The following ZNF169 variants were observed in gnomAD, a reference collection of about 807,000 sequenced individuals.
The protein encoded by ZNF169 is zinc finger protein 169.
In ZNF169, 11 loss-of-function variants were observed where a neutral mutation model predicts 12.0. The ratio of observed to expected loss-of-function variants is 0.92; its 90% CI spans 0.58 to 1.52. The LOEUF is 1.52. Ranked by LOEUF, ZNF169 falls within the 40% of genes most tolerant of loss-of-function variation. The pLI, the probability that ZNF169 is intolerant of heterozygous loss-of-function variation, is 0.00. For missense variants in ZNF169, 722 were observed against 744.0 expected (o/e 0.97, Z 0.34); for synonymous variants, 302 against 286.5 (o/e 1.05, Z -0.55).
Position 94,301,266 on chromosome 9 carries a change from TA to T in ZNF169, c.1709del (p.Tyr570LeufsTer49). ...HQRTHSGEKP[Y>X]VCRECGRGFS... ...GCGGACCCATTCTGGGGAGAAGCCG[TA>T]TGTCTGCAGGGAGTGTGGGCGTGGC... On this transcript the variant is annotated frameshift_variant, in exon 5 of 5. Transcript: ENST00000395395. LOFTEE classifies it low-confidence loss of function (END_TRUNC). The T allele has an allele frequency of 1.9e-6, 3 of 1,614,158 alleles. No individual in the cohort carries two copies. Among genetic ancestry groups the T allele is most frequent in the Non-Finnish European group, 2.5e-6 (3 of 1,180,016 alleles).
chr9:94,277,059 A>G (rs539774521), intron 1 of ZNF169, among the ~76,000 whole-genome samples: 125 of 152,328 alleles, frequency 8.2e-4, no homozygotes, highest in Middle Eastern at 3.4e-3. Flanking sequence ...GAAGTATGAA[A>G]CATAAATACA....
chr9:94,293,538 C>T (rs1830892464), intron 4 of ZNF169: 1 of 222,462 alleles, frequency 4.5e-6, no homozygotes, highest in Non-Finnish European at 9.0e-6. Flanking sequence ...CTGCCTCACC[C>T]TCCTGAGTAG....
chr9:94,284,134 C>T (rs1830684122), intron 2 of ZNF169, among the ~76,000 whole-genome samples: 1 of 143,064 alleles, frequency 7.0e-6, no homozygotes, highest in Non-Finnish European at 1.5e-5. Context: ...TAATAAAAAT[C>T]CTCCCAAGGG....
Position 94,266,913 on chromosome 9 carries a change from C to CTT in ZNF169, c.-56+7581_-56+7582dup, listed in dbSNP as rs35671526. Among the ~76,000 whole-genome samples, 1,060 of 140,070 alleles carry CTT rather than the reference C, an allele frequency of 7.6e-3. 22 individuals carry two copies. Among genetic ancestry groups the CTT allele is most frequent in the African/African-American group, 0.024 (914 of 37,940 alleles). The allele number at this position is 140,070 out of a possible 152,430, so 91.9% of individuals were successfully genotyped here. On this transcript the variant is annotated intron_variant, in intron 1 of 4. Coordinates refer to ENST00000395395, the MANE Select transcript of ZNF169 (RefSeq NM_194320.4). ...AAGAATAATTATTTTTCGTGTAGGCCTTTTTTTTTTTTTTAAGACAGAGTC... is the reference window on the plus strand; with the variant it reads ...AAGAATAATTATTTTTCGTGTAGGCCTTTTTTTTTTTTTTTTAAGACAGAGTC...
In ZNF169 at chr9:94,269,781, A is replaced by T. The variant is rs573764000; in HGVS notation, c.-55-8977A>T. 7.2e-5 allele frequency among the ~76,000 whole-genome samples: 11 copies of T among 152,304 alleles called. No homozygotes were observed. The South Asian group carries it at 1.7e-3, about 23-fold the overall frequency. ...TATACCTTCTAAGCTATATGTCTAC[A>T]TGTAAGTGTGCATTTGTCTAAAGAT... On this transcript the variant is annotated intron_variant, in intron 1 of 4. Transcript: ENST00000395395.
chr9:94,289,829 T>C (rs1042537760), intron 2 of ZNF169, among the ~76,000 whole-genome samples: 3 of 151,442 alleles, frequency 2.0e-5, no homozygotes, highest in Non-Finnish European at 4.4e-5. Context: ...TAAGAAACAC[T>C]GTAGGCAAAT....
At position 94,278,860 on chromosome 9, in the gene ZNF169, T is replaced by C. The variant is rs1394235119; in HGVS notation, c.33+15T>C. 6.2e-7 allele frequency: 1 copy of C among 1,613,514 alleles called. No homozygotes were observed. ...CCAGGAAGGAGGTAAGTCCTGAAAT[T>C]TCTTCCTAGCTATTGCAGGAAGGTT... On this transcript the variant is annotated intron_variant, in intron 2 of 4. Coordinates refer to ENST00000395395, the MANE Select transcript of ZNF169 (RefSeq NM_194320.4).
At chr9:94,267,462 T>C (rs1830314282) in intron 1 of ZNF169, among the ~76,000 whole-genome samples, 1 of 152,240 alleles carries the variant, frequency 6.6e-6, no homozygotes, top group Non-Finnish European at 1.5e-5. Flanking sequence ...ATTGCACTTA[T>C]GCAAATAACT....
At chr9:94,292,587 G>T in intron 3 of ZNF169, 120 bp downstream of exon 3, 2 of 1,272,660 alleles carry the variant, frequency 1.6e-6, no homozygotes, top group East Asian at 5.3e-5. Context: ...CCCAGAGAAT[G>T]CCTGGCTTTC....
At chr9:94,287,513 C>T (rs1352259631) in intron 2 of ZNF169, among the ~76,000 whole-genome samples, 8 of 151,970 alleles carry the variant, frequency 5.3e-5, no homozygotes, top group Non-Finnish European at 1.0e-4. Context: ...TACAGGCGCC[C>T]GCCACCACAC....
Position 94,292,986 on chromosome 9 carries a change from C to A in ZNF169, c.173C>A (p.Ser58Tyr). 1 of 1,611,674 alleles carries A rather than the reference C, an allele frequency of 6.2e-7. No homozygotes were observed. Among genetic ancestry groups the A allele is most frequent in the South Asian group, 1.1e-5 (1 of 90,610 alleles). The stretch of plus-strand genomic sequence containing the variant: ...TTCCTGTGAGTAGGAATTGCATTTT[C>A]CAAACCAAAACTCATCGAACAGCTG... ...SHLVSLGIAFSKPKLIEQLEQ... is the reference protein window; with the variant it reads ...SHLVSLGIAFYKPKLIEQLEQ... Residue 58 changes from serine (S) to tyrosine (Y), a missense_variant, in exon 4 of 5, where the codon TCC (serine) becomes TAC (tyrosine). Transcript: ENST00000395395.
At chr9:94,269,973 A>G (rs559670754) in intron 1 of ZNF169, among the ~76,000 whole-genome samples, 4 of 152,280 alleles carry the variant, frequency 2.6e-5, no homozygotes, top group Admixed American at 2.0e-4. Context: ...TCAGGCCCCA[A>G]ATAAACTTGT....
At chr9:94,268,729 T>G (rs965332070) in intron 1 of ZNF169, among the ~76,000 whole-genome samples, 1 of 143,648 alleles carries the variant, frequency 7.0e-6, no homozygotes, top group Non-Finnish European at 1.5e-5. Flanking sequence ...GGGGTTACAA[T>G]GAGCCGAGAT....
At position 94,270,728 on chromosome 9, in the gene ZNF169, A is replaced by AATATAT. The variant is rs1363824160; in HGVS notation, c.-55-8030_-55-8029insATATAT. On this transcript the variant is annotated intron_variant, in intron 1 of 4. Coordinates refer to ENST00000395395, the MANE Select transcript of ZNF169 (RefSeq NM_194320.4). ...AATTATATAATATATAATATTATATATTATATAATTAATGTATTTATATAA... is the reference window on the plus strand; with the variant it reads ...AATTATATAATATATAATATTATATAATATATTTATATAATTAATGTATTTATATAA... 2.0e-3 allele frequency among the ~76,000 whole-genome samples: 52 copies of AATATAT among 25,468 alleles called. 9 individuals are homozygous for AATATAT. The East Asian group carries it at 0.023, about 11-fold the overall frequency. 16.7% of individuals were successfully genotyped at this position (25,468 alleles called of 152,430 possible). A position where few individuals can be genotyped will look rare whatever the true frequency, so the allele number is the denominator to read the frequency against.
intron 4 of ZNF169, among the ~76,000 whole-genome samples, chr9:94,297,120 T>C (rs1255954518): frequency 6.7e-6 from 1 of 150,236 alleles, no homozygotes; most frequent in Non-Finnish European, 1.5e-5. Context: ...TATTCTTTGT[T>C]TTTTCATATG....
intron 1 of ZNF169, among the ~76,000 whole-genome samples, chr9:94,265,439 G>A (rs1273352728): frequency 1.3e-5 from 2 of 151,936 alleles, no homozygotes; most frequent in African/African-American, 4.8e-5. Flanking sequence ...AATTAACCAG[G>A]CTTTGTGGCA....
chr9:94,290,770 G>A (rs1425857274), intron 2 of ZNF169, among the ~76,000 whole-genome samples: 3 of 151,954 alleles, frequency 2.0e-5, no homozygotes, highest in Non-Finnish European at 4.4e-5. Context: ...TCAATTTTTG[G>A]GGGTATATTC....
intron 1 of ZNF169, among the ~76,000 whole-genome samples, chr9:94,265,853 C>CTAGG (rs1830283555): frequency 6.6e-6 from 1 of 151,932 alleles, no homozygotes. Flanking sequence ...TTGTGGAGAC[C>CTAGG]TAGGGAGTTT....
At chr9:94,264,477 T>G (rs1232438196) in intron 1 of ZNF169, among the ~76,000 whole-genome samples, 1 of 152,160 alleles carries the variant, frequency 6.6e-6, no homozygotes, top group Non-Finnish European at 1.5e-5. Context: ...AGAAATAGTC[T>G]TTTTTGGGTG....
Sources: gnomAD v4.1 joint callset for allele counts (sites outside exome capture counted in the v4.1 genomes callset) on GRCh38, gnomAD v4.1.1 for gene constraint, MANE v1.5 for transcripts, NCBI Gene and HGNC (gene_info 2026-07-23, HGNC 2026-07-21) for gene names.